MARCHF5: variants seen among roughly 807,000 people sequenced by gnomAD.
MARCHF5 encodes E3 ubiquitin-protein ligase MARCHF5.
A neutral mutation model predicts 36.5 loss-of-function variants in MARCHF5; 5 were observed. That is an observed-to-expected ratio of 0.14 (90% CI 0.07 to 0.29). The LOEUF (loss-of-function observed/expected upper bound fraction) is 0.29, where lower values mean the gene tolerates loss of function less well. Among genes scored for constraint, MARCHF5 ranks in the 10% least tolerant of loss-of-function variants. The pLI, the probability that MARCHF5 is intolerant of heterozygous loss-of-function variation, is 1.00. For missense variants in MARCHF5, 179 were observed against 336.3 expected (o/e 0.53, Z 3.66); for synonymous variants, 103 against 109.9 (o/e 0.94, Z 0.39).
chr10:92,345,615 C>A (rs986845876), intron 3 of MARCHF5, among the ~76,000 whole-genome samples: 3 of 151,888 alleles, frequency 2.0e-5, no homozygotes, highest in Admixed American at 1.3e-4. Context: ...TAGCTTTTAG[C>A]CCTTCTGCAG....
At chr10:92,346,493 T>C (rs950001094) in intron 3 of MARCHF5, among the ~76,000 whole-genome samples, 1 of 57,118 alleles carries the variant, frequency 1.8e-5, no homozygotes, top group Non-Finnish European at 5.4e-5. Context: ...TATTTCCTTC[T>C]TTTTTTTTTT....
chr10:92,298,411 T>A (rs1409178700), intron 1 of MARCHF5, among the ~76,000 whole-genome samples: 1 of 152,194 alleles, frequency 6.6e-6, no homozygotes, highest in Non-Finnish European at 1.5e-5. Flanking sequence ...TTTTCCTCAT[T>A]TCCTTTAGCA....
intron 3 of MARCHF5, among the ~76,000 whole-genome samples, chr10:92,345,541 C>T (rs1326432249): frequency 6.6e-6 from 1 of 151,968 alleles, no homozygotes; most frequent in East Asian, 1.9e-4. Context: ...AAAGCTCAGA[C>T]CTTAATTAAA....
In MARCHF5 at chr10:92,353,637, G is replaced by T. The variant is rs1283471234; in HGVS notation, c.*2430G>T. Reference sequence around the variant, plus strand: ...AAGAGATGATGTAGATTTTTCGGATGGGTGGGTATATTTTATTTTCCAGTT... The same window carrying T: ...AAGAGATGATGTAGATTTTTCGGATTGGTGGGTATATTTTATTTTCCAGTT... On this transcript the variant is annotated 3_prime_UTR_variant, in exon 6 of 6. Transcript: ENST00000358935. The T allele has an allele frequency of 2.6e-5, 4 of 152,496 alleles. No homozygotes were observed. Among genetic ancestry groups the T allele is most frequent in the African/African-American group, 9.7e-5 (4 of 41,432 alleles). The allele number at this position is 152,496 out of a possible 1,614,324, so 9.4% of individuals were successfully genotyped here.
intron 2 of MARCHF5, among the ~76,000 whole-genome samples, chr10:92,332,134 T>A (rs547439493): frequency 6.6e-6 from 1 of 151,438 alleles, no homozygotes; most frequent in East Asian, 1.9e-4. Context: ...ATCCCAGCAC[T>A]TTGGGATGCC....
chr10:92,291,173 C>G lies in MARCHF5; in HGVS notation c.-322C>G. 2.1e-6 allele frequency: 1 copy of G among 471,060 alleles called. No homozygotes were observed. 29.2% of individuals were successfully genotyped at this position (471,060 alleles called of 1,614,324 possible). ...CACGGAGGCGGCGACTCTTACCTCACAAAGGTAGCTCCTCCGCCGGCAGCA... is the reference window on the plus strand; with the variant it reads ...CACGGAGGCGGCGACTCTTACCTCAGAAAGGTAGCTCCTCCGCCGGCAGCA... On this transcript the variant is annotated 5_prime_UTR_variant, in exon 1 of 6. Transcript: ENST00000358935.
intron 2 of MARCHF5, among the ~76,000 whole-genome samples, chr10:92,322,966 G>A (rs1843309873): frequency 1.3e-5 from 2 of 152,008 alleles, no homozygotes; most frequent in African/African-American, 4.8e-5. Context: ...TTGATCTCTT[G>A]ACCTCGTGAT....
intron 1 of MARCHF5, among the ~76,000 whole-genome samples, chr10:92,302,562 A>C (rs1455504604): frequency 6.6e-6 from 1 of 150,730 alleles, no homozygotes; most frequent in Admixed American, 6.6e-5. Flanking sequence ...TTCCTGCCTC[A>C]GCCTCCTGAG....
chr10:92,335,996 T>A (rs1374856377), intron 2 of MARCHF5, among the ~76,000 whole-genome samples: 1 of 152,232 alleles, frequency 6.6e-6, no homozygotes, highest in African/African-American at 2.4e-5. Flanking sequence ...AAATCAATGA[T>A]GAAAACAAAG....
At chr10:92,323,999 A>G (rs1843323659) in intron 2 of MARCHF5, among the ~76,000 whole-genome samples, 1 of 152,210 alleles carries the variant, frequency 6.6e-6, no homozygotes, top group African/African-American at 2.4e-5. Context: ...AAGTGGCTGT[A>G]CCATGTACCA....
intron 2 of MARCHF5, among the ~76,000 whole-genome samples, chr10:92,335,507 C>A (rs1843491661): frequency 6.6e-6 from 1 of 152,140 alleles, no homozygotes; most frequent in African/African-American, 2.4e-5. Context: ...AGACTAGTGT[C>A]TGGAAAAGCC....
rs547285617 is a variant in MARCHF5, at chr10:92,353,736, C to T, written c.*2529C>T. On this transcript the variant is annotated 3_prime_UTR_variant, in exon 6 of 6. Transcript: ENST00000358935. Reference sequence around the variant, plus strand: ...AAACCTCTTTTATAAAATTCAATGACGACTACTAGAATTCTTTTCAAAAGT... The same window carrying T: ...AAACCTCTTTTATAAAATTCAATGATGACTACTAGAATTCTTTTCAAAAGT... 2.0e-5 allele frequency: 2 copies of T among 98,102 alleles called. No individual in the cohort carries two copies. The highest frequency in any genetic ancestry group is 4.0e-5 in the Non-Finnish European group (2 of 50,500). The allele number at this position is 98,102 out of a possible 1,614,324, so 6.1% of individuals were successfully genotyped here. A position where few individuals can be genotyped will look rare whatever the true frequency, so the allele number is the denominator to read the frequency against.
chr10:92,333,508 C>T (rs909068071), intron 2 of MARCHF5: 3 of 256,284 alleles, frequency 1.2e-5, no homozygotes, highest in Admixed American at 1.3e-4. Context: ...TGGCCCTTGC[C>T]CCCTGGGAGT....
intron 2 of MARCHF5, chr10:92,333,636 T>C (rs1167647879): frequency 1.0e-5 from 10 of 984,732 alleles, no homozygotes; most frequent in Non-Finnish European, 1.2e-5. Context: ...GTAAGTGTAT[T>C]TTGTGGGGTA....
intron 2 of MARCHF5, among the ~76,000 whole-genome samples, chr10:92,318,853 C>T (rs1241760388): frequency 1.3e-5 from 2 of 151,774 alleles, no homozygotes; most frequent in African/African-American, 4.8e-5. Flanking sequence ...ATTACAGGCA[C>T]CCACCACCAA....
At chr10:92,311,064 A>G in intron 1 of MARCHF5, 71 bp from the exon 2 acceptor site, 1 of 1,104,348 alleles carries the variant, frequency 9.1e-7, no homozygotes, top group Non-Finnish European at 1.3e-6. Flanking sequence ...CCCATTAAGT[A>G]AGAGCTGCAG....
intron 1 of MARCHF5, among the ~76,000 whole-genome samples, chr10:92,292,993 G>A (rs1246572255): frequency 1.3e-5 from 2 of 152,092 alleles, no homozygotes; most frequent in African/African-American, 4.8e-5. Context: ...ACCTGCCACT[G>A]CCAGTTCTAT....
At chr10:92,302,526 C>T (rs1055629481) in intron 1 of MARCHF5, among the ~76,000 whole-genome samples, 13 of 151,716 alleles carry the variant, frequency 8.6e-5, no homozygotes, top group Middle Eastern at 6.8e-3. Flanking sequence ...CTCACTGCAA[C>T]CTCCGCCTCC....
At chr10:92,318,260 C>T (rs555497829) in intron 2 of MARCHF5, among the ~76,000 whole-genome samples, 1 of 151,660 alleles carries the variant, frequency 6.6e-6, no homozygotes, top group South Asian at 2.1e-4. Flanking sequence ...AACTCCATCT[C>T]TACTAAAAAT....
Sources: gnomAD v4.1 joint callset for allele counts (sites outside exome capture counted in the v4.1 genomes callset) on GRCh38, gnomAD v4.1.1 for gene constraint, MANE v1.5 for transcripts, NCBI Gene and HGNC (gene_info 2026-07-23, HGNC 2026-07-21) for gene names.